The following PLXDC2 variants were observed in gnomAD, a reference collection of about 807,000 sequenced individuals.
PLXDC2 encodes the protein plexin domain containing 2, also known as plexin domain-containing protein 2.
Under a neutral mutation model 68.9 loss-of-function variants are expected in PLXDC2, and 40 were observed. The observed-to-expected ratio is 0.58, with a 90% confidence interval of 0.45 to 0.76. The LOEUF is 0.76. Ranked by LOEUF, PLXDC2 falls within the 30% of genes least tolerant of loss-of-function variation. The pLI, the probability that PLXDC2 is intolerant of heterozygous loss-of-function variation, is 0.00. For synonymous variants in PLXDC2, 243 were observed against 234.2 expected, an observed-to-expected ratio of 1.04 and a Z score of -0.34; for missense variants, 644 against 661.9, an observed-to-expected ratio of 0.97 and a Z score of 0.30.
At chr10:19,859,880 C>A (rs185902617) in intron 1 of PLXDC2, among the ~76,000 whole-genome samples, 9 of 152,182 alleles carry the variant, frequency 5.9e-5, no homozygotes, top group Non-Finnish European at 1.0e-4. Flanking sequence ...TACAGGTGCG[C>A]TCCACCGTGC....
chr10:20,194,285 C>T (rs889100267), intron 9 of PLXDC2, among the ~76,000 whole-genome samples: 1 of 148,962 alleles, frequency 6.7e-6, no homozygotes, highest in African/African-American at 2.5e-5. Flanking sequence ...ATCTTGGTAA[C>T]CTTGTAGCAA....
chr10:19,828,511 C>T (rs771287773), intron 1 of PLXDC2, among the ~76,000 whole-genome samples: 2 of 152,184 alleles, frequency 1.3e-5, no homozygotes, highest in African/African-American at 4.8e-5. Flanking sequence ...ATTTTTTAAT[C>T]AGGAGTACAT....
intron 9 of PLXDC2, among the ~76,000 whole-genome samples, chr10:20,197,198 G>A (rs960462227): frequency 1.3e-5 from 2 of 151,964 alleles, no homozygotes; most frequent in Non-Finnish European, 2.9e-5. Context: ...ATAAATATAA[G>A]CATCTTTTTC....
chr10:19,958,551 C>T (rs1161339785), intron 1 of PLXDC2, among the ~76,000 whole-genome samples: 2 of 152,122 alleles, frequency 1.3e-5, no homozygotes, highest in Non-Finnish European at 2.9e-5. Flanking sequence ...ACCAGATCTC[C>T]TCTTGTTCTA....
chr10:19,933,513 C>A (rs968190123), intron 1 of PLXDC2, among the ~76,000 whole-genome samples: 2 of 151,866 alleles, frequency 1.3e-5, no homozygotes, highest in Non-Finnish European at 2.9e-5. Flanking sequence ...GGGCACCTAT[C>A]ATCCCAGCTA....
chr10:20,151,909 G>T (rs1834157516), intron 6 of PLXDC2, among the ~76,000 whole-genome samples: 1 of 151,932 alleles, frequency 6.6e-6, no homozygotes, highest in Non-Finnish European at 1.5e-5. Context: ...TGAATGAGAA[G>T]AAAAATTCTG....
At chr10:19,948,551 A>G (rs754597410) in intron 1 of PLXDC2, among the ~76,000 whole-genome samples, 1 of 151,914 alleles carries the variant, frequency 6.6e-6, no homozygotes, top group East Asian at 1.9e-4. Flanking sequence ...ATGATGCTTT[A>G]TTGTTTCAAT....
At chr10:20,172,643 C>A (rs1358010214) in intron 7 of PLXDC2, among the ~76,000 whole-genome samples, 1 of 151,992 alleles carries the variant, frequency 6.6e-6, no homozygotes, top group African/African-American at 2.4e-5. Flanking sequence ...AAGTCCAGGG[C>A]AAAGTAATTA....
intron 4 of PLXDC2, among the ~76,000 whole-genome samples, chr10:20,131,261 G>A (rs1052827353): frequency 9.3e-5 from 14 of 150,598 alleles, no homozygotes; most frequent in East Asian, 1.9e-4. Context: ...GTTCTGTTCC[G>A]ACGTGGTAAT....
chr10:19,819,994 G>C (rs1230603703), intron 1 of PLXDC2, among the ~76,000 whole-genome samples: 2 of 152,202 alleles, frequency 1.3e-5, no homozygotes, highest in African/African-American at 4.8e-5. Flanking sequence ...TCAATGACTT[G>C]AGGCTACCTG....
At chr10:20,267,947 A>G (rs1835892164) in intron 13 of PLXDC2, among the ~76,000 whole-genome samples, 2 of 152,066 alleles carry the variant, frequency 1.3e-5, no homozygotes, top group African/African-American at 2.4e-5. Context: ...TTATCACAGG[A>G]TGAATGCAGT....
chr10:20,134,731 A>G (rs1833912919), intron 4 of PLXDC2, among the ~76,000 whole-genome samples: 1 of 152,124 alleles, frequency 6.6e-6, no homozygotes, highest in Non-Finnish European at 1.5e-5. Flanking sequence ...CACATCATTC[A>G]TCCTGGAGCC....
At chr10:19,907,324 T>A (rs533387394) in intron 1 of PLXDC2, among the ~76,000 whole-genome samples, 25 of 152,338 alleles carry the variant, frequency 1.6e-4, no homozygotes, top group Admixed American at 1.6e-3. Flanking sequence ...AGAAGTAACA[T>A]TGACTATTCT....
chr10:20,202,608 C>G (rs558353389), intron 9 of PLXDC2, among the ~76,000 whole-genome samples: 51 of 152,108 alleles, frequency 3.4e-4, no homozygotes, highest in Non-Finnish European at 7.1e-4. Context: ...TCAATATGTT[C>G]TAGCATCACT....
At chr10:19,972,169 A>G (rs776886455) in intron 1 of PLXDC2, among the ~76,000 whole-genome samples, 2 of 152,142 alleles carry the variant, frequency 1.3e-5, no homozygotes, top group Non-Finnish European at 2.9e-5. Flanking sequence ...TTTGAGCAGG[A>G]CTTCTGATAC....
intron 1 of PLXDC2, among the ~76,000 whole-genome samples, chr10:19,874,505 A>G (rs1196781292): frequency 6.6e-6 from 1 of 152,198 alleles, no homozygotes; most frequent in Non-Finnish European, 1.5e-5. Context: ...ATGTGTAGGA[A>G]TTGCAAAAGT....
At chr10:19,968,675 G>T (rs1057287270) in intron 1 of PLXDC2, among the ~76,000 whole-genome samples, 7 of 152,130 alleles carry the variant, frequency 4.6e-5, no homozygotes, top group Non-Finnish European at 5.9e-5. Context: ...CAGCAACTGT[G>T]CAGGGTTGTG....
chr10:20,092,830 C>A (rs1182654597), intron 4 of PLXDC2, among the ~76,000 whole-genome samples: 1 of 151,852 alleles, frequency 6.6e-6, no homozygotes, highest in African/African-American at 2.4e-5. Flanking sequence ...GGAAGCAATG[C>A]AACCACGGGG....
At chr10:19,986,166 C>T (rs780116492) in intron 1 of PLXDC2, among the ~76,000 whole-genome samples, 6 of 152,012 alleles carry the variant, frequency 3.9e-5, no homozygotes, top group Non-Finnish European at 8.8e-5. Flanking sequence ...GGAACTTAGG[C>T]ATTTTGCAGA....
Sources: gnomAD v4.1 joint callset for allele counts (sites outside exome capture counted in the v4.1 genomes callset) on GRCh38, gnomAD v4.1.1 for gene constraint, MANE v1.5 for transcripts, NCBI Gene and HGNC (gene_info 2026-07-23, HGNC 2026-07-21) for gene names.